PNLIP: variants seen among roughly 807,000 people sequenced by gnomAD.
PNLIP encodes pancreatic triacylglycerol lipase.
PNLIP carries 49 observed loss-of-function variants against 57.1 expected under a neutral mutation model. That is an observed-to-expected ratio of 0.86 (90% CI 0.68 to 1.09). The LOEUF (loss-of-function observed/expected upper bound fraction) is 1.09. Among genes scored for constraint, PNLIP ranks in the 50% least tolerant of loss-of-function variants. PNLIP has a pLI of 0.00. For synonymous variants in PNLIP, 209 were observed against 200.4 expected (o/e 1.04, Z -0.36); for missense variants, 503 against 570.2 (o/e 0.88, Z 1.20).
At chr10:116,558,630 TG>T (rs1201860079) in intron 9 of PNLIP, among the ~76,000 whole-genome samples, 1 of 151,664 alleles carries the variant, frequency 6.6e-6, no homozygotes, top group African/African-American at 2.4e-5. Flanking sequence ...TTGTATGATT[TG>T]TTTTTTTTTT....
At position 116,567,603 on chromosome 10, in the gene PNLIP, A is replaced by G. The variant is rs1847383414; in HGVS notation, c.1335-132A>G. 6 of 713,958 alleles carry G rather than the reference A, an allele frequency of 8.4e-6. No homozygotes were observed. The East Asian group carries it at 1.6e-4, about 19-fold the overall frequency. The allele number at this position is 713,958 out of a possible 1,614,324, so 44.2% of individuals were successfully genotyped here. On this transcript the variant is annotated intron_variant, in intron 12 of 12. Transcript: ENST00000369221. ...ATGTAGAAGAGGTCTTCCCTCAGCC[A>G]TTGTCTGGTCTCCAGCACAGGGTGC...
intron 1 of PNLIP, 53 bp downstream of exon 1, chr10:116,546,011 C>T (rs1847118720): frequency 1.7e-6 from 2 of 1,161,122 alleles, no homozygotes; most frequent in East Asian, 2.3e-5. Context: ...TATCCATTTT[C>T]CCCCAGAGGT....
chr10:116,566,899 T>C (rs1178191319), intron 12 of PNLIP, among the ~76,000 whole-genome samples: 2 of 152,184 alleles, frequency 1.3e-5, no homozygotes, highest in East Asian at 1.9e-4. Context: ...GTAGTTTACA[T>C]ATGGTAAGGT....
chr10:116,562,620 C>G (rs1001277563), intron 12 of PNLIP, among the ~76,000 whole-genome samples: 1 of 152,036 alleles, frequency 6.6e-6, no homozygotes, highest in Non-Finnish European at 1.5e-5. Context: ...AGGGAGAATC[C>G]CAGAGATTAT....
chr10:116,554,855 C>T (rs1847235813), intron 6 of PNLIP, among the ~76,000 whole-genome samples: 1 of 152,086 alleles, frequency 6.6e-6, no homozygotes, highest in Non-Finnish European at 1.5e-5. Context: ...AGGTCCTTGC[C>T]CTTGTGGGAG....
rs11549160 is a variant in PNLIP, at chr10:116,548,373, A to G, written c.215A>G (p.Asp72Gly). 8.7e-6 allele frequency: 14 copies of G among 1,614,076 alleles called. No individual in the cohort carries two copies. In the Admixed American group the frequency reaches 1.5e-4, roughly 17 times the overall value. ...NPNNFQEVAADSSSISGSNFK... is the reference protein window; with the variant it reads ...NPNNFQEVAAGSSSISGSNFK... ...CTGTCTAAACAGGAAGTTGCCGCAGATTCATCAAGCATCAGTGGCTCCAAT... is the reference window on the plus strand; with the variant it reads ...CTGTCTAAACAGGAAGTTGCCGCAGGTTCATCAAGCATCAGTGGCTCCAAT... Residue 72 changes from aspartate (D) to glycine (G), a missense_variant, in exon 4 of 13, where the codon GAT becomes GGT. Transcript: ENST00000369221.
intron 3 of PNLIP, among the ~76,000 whole-genome samples, chr10:116,547,700 T>C (rs1290185351): frequency 1.6e-5 from 2 of 124,536 alleles, no homozygotes; most frequent in African/African-American, 6.4e-5. Context: ...CACTCCAGCC[T>C]GGGCGACACA....
intron 10 of PNLIP, 66 bp from the exon 11 acceptor site, chr10:116,560,350 C>T (rs2133206699): frequency 1.3e-6 from 1 of 756,654 alleles, no homozygotes; most frequent in Admixed American, 2.3e-5. Context: ...TAGTGGGATG[C>T]AAATTAACTT....
intron 6 of PNLIP, 40 bp downstream of exon 6, chr10:116,553,878 A>G: frequency 7.9e-7 from 1 of 1,270,960 alleles, no homozygotes. Context: ...GGGTTGAGGC[A>G]AGATGATCTC....
At chr10:116,555,685 A>T (rs1292604403) in intron 8 of PNLIP, among the ~76,000 whole-genome samples, 178 bp downstream of exon 8, 1 of 152,202 alleles carries the variant, frequency 6.6e-6, no homozygotes, top group East Asian at 1.9e-4. Context: ...GGAGACTGGG[A>T]AAGAAAGCGT....
intron 9 of PNLIP, among the ~76,000 whole-genome samples, chr10:116,557,210 GA>G (rs755287957): frequency 6.1e-4 from 93 of 151,918 alleles, no homozygotes; most frequent in Non-Finnish European, 1.1e-3. Flanking sequence ...AGTAATGGGG[GA>G]AAAAAATAAA....
intron 5 of PNLIP, 183 bp downstream of exon 5, chr10:116,551,415 C>G: frequency 2.5e-6 from 1 of 403,770 alleles, no homozygotes; most frequent in Non-Finnish European, 4.3e-6. Context: ...CATCAATAAC[C>G]CATTATGTTA....
intron 5 of PNLIP, among the ~76,000 whole-genome samples, chr10:116,553,169 G>T (rs887574176): frequency 1.3e-5 from 2 of 152,098 alleles, no homozygotes; most frequent in Admixed American, 6.5e-5. Context: ...GCAATGGCGC[G>T]ATCTCGGCTC....
At chr10:116,550,286 A>G (rs1372458055) in intron 4 of PNLIP, among the ~76,000 whole-genome samples, 1 of 151,308 alleles carries the variant, frequency 6.6e-6, no homozygotes, top group Non-Finnish European at 1.5e-5. Flanking sequence ...TCTCGATCTC[A>G]TGACCTTGTG....
At chr10:116,557,021 T>C (rs1375249395) in intron 9 of PNLIP, among the ~76,000 whole-genome samples, 1 of 152,188 alleles carries the variant, frequency 6.6e-6, no homozygotes, top group African/African-American at 2.4e-5. Context: ...TGAGAATACA[T>C]ACGTTAATTG....
At chr10:116,559,727 G>T (rs963958319) in intron 10 of PNLIP, among the ~76,000 whole-genome samples, 1 of 152,192 alleles carries the variant, frequency 6.6e-6, no homozygotes, top group African/African-American at 2.4e-5. Context: ...GGCTGGAGGA[G>T]TGGTAGGAAT....
In PNLIP at chr10:116,559,077, G is replaced by A. The variant is rs559032680; in HGVS notation, c.931-77G>A. ...AGAACTGGCTTTAGAATATTTGAATGGCGACAACATGTAGGAAATATGGTA... is the reference window on the plus strand; with the variant it reads ...AGAACTGGCTTTAGAATATTTGAATAGCGACAACATGTAGGAAATATGGTA... On this transcript the variant is annotated intron_variant, in intron 9 of 12. Transcript: ENST00000369221. The A allele has an allele frequency of 6.5e-6, 10 of 1,534,454 alleles. No homozygotes were observed. In the East Asian group the frequency reaches 2.0e-4, roughly 31 times the overall value.
In PNLIP at chr10:116,555,516, A is replaced by C. The variant is rs1384097444; in HGVS notation, c.811+9A>C. 6 of 1,612,750 alleles carry C rather than the reference A, an allele frequency of 3.7e-6. No individual in the cohort carries two copies. The East Asian group carries it at 1.3e-4, about 36-fold the overall frequency. ...AGACGGAATCTGGGAAGGTAGAACT[A>C]TTATGTGTAGAAAGAGATCTTCTTG... On this transcript the variant is annotated intron_variant, in intron 8 of 12. Coordinates refer to ENST00000369221, the MANE Select transcript of PNLIP (RefSeq NM_000936.4).
intron 12 of PNLIP, among the ~76,000 whole-genome samples, chr10:116,564,815 G>A (rs896540546): frequency 6.6e-6 from 1 of 151,968 alleles, no homozygotes; most frequent in Non-Finnish European, 1.5e-5. Context: ...TTCCCTTGAA[G>A]GTGTGATAAG....
Sources: gnomAD v4.1 joint callset for allele counts (sites outside exome capture counted in the v4.1 genomes callset) on GRCh38, gnomAD v4.1.1 for gene constraint, MANE v1.5 for transcripts, NCBI Gene and HGNC (gene_info 2026-07-23, HGNC 2026-07-21) for gene names.